The following TPCN2 variants were observed in gnomAD, a reference collection of about 807,000 sequenced individuals.
TPCN2 encodes the protein two pore channel protein 2.
Under a neutral mutation model 111.4 loss-of-function variants are expected in TPCN2, and 92 were observed. The ratio of observed to expected loss-of-function variants is 0.83; its 90% CI spans 0.70 to 0.98. The LOEUF (loss-of-function observed/expected upper bound fraction) is 0.98, where lower values mean the gene tolerates loss of function less well. Among genes scored for constraint, TPCN2 ranks in the 50% least tolerant of loss-of-function variants. TPCN2 has a pLI of 0.00. For synonymous variants in TPCN2, 405 were observed against 414.5 expected, an observed-to-expected ratio of 0.98 and a Z score of 0.28; for missense variants, 995 against 980.1, an observed-to-expected ratio of 1.02 and a Z score of -0.20.
intron 1 of TPCN2, 36 bp from the exon 2 acceptor site, chr11:69,053,997 C>G (rs184141794): frequency 1.1e-5 from 18 of 1,590,558 alleles, no homozygotes; most frequent in Non-Finnish European, 1.5e-5. Context: ...CCATGTCATC[C>G]TGCTCGGTCA....
At chr11:69,062,673 G>A (rs1855075235) in intron 5 of TPCN2, among the ~76,000 whole-genome samples, 2 of 152,110 alleles carry the variant, frequency 1.3e-5, no homozygotes, top group Admixed American at 6.5e-5. Flanking sequence ...TGGGTAGTGG[G>A]GAGGCCTGTG....
intron 24 of TPCN2, 122 bp from the exon 25 acceptor site, chr11:69,087,753 C>A: frequency 1.4e-6 from 1 of 696,586 alleles, no homozygotes; most frequent in Non-Finnish European, 2.4e-6. Context: ...GTCCCCGTGT[C>A]TCTGTGTCCC....
chr11:69,069,911 G>A (rs780557742), intron 8 of TPCN2, among the ~76,000 whole-genome samples: 7 of 152,140 alleles, frequency 4.6e-5, no homozygotes, highest in Non-Finnish European at 8.8e-5. Flanking sequence ...GGAGTTCCCC[G>A]TCCTGGAGGG....
intron 23 of TPCN2, 37 bp downstream of exon 23, chr11:69,086,641 C>T (rs570900032): frequency 2.6e-5 from 42 of 1,595,436 alleles, no homozygotes; most frequent in Middle Eastern, 1.7e-4. Context: ...TCTCCATGGT[C>T]GTTTGTTTCT....
At chr11:69,065,029 G>A (rs1271910071) in intron 7 of TPCN2, among the ~76,000 whole-genome samples, 1 of 131,686 alleles carries the variant, frequency 7.6e-6, no homozygotes, top group Non-Finnish European at 1.7e-5. Flanking sequence ...CTGTATGTCT[G>A]TGTGTGCGTG....
chr11:69,090,387 C>T lies in TPCN2; in HGVS notation c.*2434C>T, dbSNP rs1047390834. ...TCCCATCACTGCCACCCACTCCCCA[C>T]AGAGATGCCCTGCTCATCCGACTGG... On this transcript the variant is annotated 3_prime_UTR_variant, in exon 25 of 25. Transcript: ENST00000294309. The T allele has an allele frequency of 1.3e-5, 2 of 152,262 alleles. No individual in the cohort carries two copies. Among genetic ancestry groups the T allele is most frequent in the African/African-American group, 4.8e-5 (2 of 41,432 alleles). 9.4% of individuals were successfully genotyped at this position (152,262 alleles called of 1,614,324 possible).
intron 16 of TPCN2, chr11:69,079,307 G>A (rs567951750): frequency 3.0e-4 from 135 of 456,664 alleles, no homozygotes; most frequent in Admixed American, 5.9e-4. Context: ...CCTGGCCAGC[G>A]ACTCCAGCCC....
intron 20 of TPCN2, 39 bp from the exon 21 acceptor site, chr11:69,085,632 G>C (rs1229960814): frequency 7.3e-7 from 1 of 1,378,632 alleles, no homozygotes; most frequent in South Asian, 1.2e-5. Flanking sequence ...TCAGAACCTG[G>C]AGCCCCCGCC....
At position 69,081,463 on chromosome 11, in the gene TPCN2, C is replaced by T. The variant is rs144686467; in HGVS notation, c.1653C>T (p.Ile551=). ...WDMTRMLNML[I]VFRFLRIIPS... ...TGACCCGCATGCTGAACATGCTCAT[C>T]GTGTTCCGCTTCCTGCGTATCATCC... The change falls in exon 18 of 25, where the codon ATC becomes ATT. Residue 551 remains isoleucine, a synonymous_variant. Coordinates refer to ENST00000294309, the MANE Select transcript of TPCN2 (RefSeq NM_139075.4). The T allele has an allele frequency of 1.2e-4, 183 of 1,574,540 alleles. No homozygotes were observed. The East Asian group carries it at 3.3e-3, about 29-fold the overall frequency.
intron 5 of TPCN2, among the ~76,000 whole-genome samples, chr11:69,058,102 C>T (rs990077359): frequency 3.3e-5 from 5 of 152,214 alleles, no homozygotes; most frequent in Non-Finnish European, 1.5e-5. Flanking sequence ...AGAAAGCCCC[C>T]TCACCCGGCC....
At chr11:69,085,390 G>A (rs1463768213) in intron 20 of TPCN2, 104 bp downstream of exon 20, 1 of 1,175,810 alleles carries the variant, frequency 8.5e-7, no homozygotes, top group Non-Finnish European at 1.3e-6. Flanking sequence ...AGGATGGGAG[G>A]GTGTTCTCCC....
intron 5 of TPCN2, among the ~76,000 whole-genome samples, chr11:69,060,550 G>A (rs931256071): frequency 2.5e-4 from 38 of 152,164 alleles, no homozygotes; most frequent in Non-Finnish European, 5.9e-5. Flanking sequence ...CAAGGCCTTG[G>A]GTCTGAGGGT....
rs758534636 is a variant in TPCN2 at position 69,057,666 on chromosome 11, C to T, written c.518C>T (p.Thr173Ile). 1.2e-6 allele frequency: 2 copies of T among 1,614,188 alleles called. No individual in the cohort carries two copies. The highest frequency in any genetic ancestry group is 1.6e-4 in the Middle Eastern group (1 of 6,062). ...CTGGTGGTGTCTCTGGTGGACTGGA[C>T]CGTGTCCCTGAGTCTCGTGTGTCAT... ...VVLVVSLVDWTVSLSLVCHEP... is the reference protein window; with the variant it reads ...VVLVVSLVDWIVSLSLVCHEP... The change falls in exon 5 of 25, where the codon ACC becomes ATC. Residue 173 changes from threonine (T) to isoleucine (I), a missense_variant. Physicochemically the swap from Thr to Ile is moderately conservative, Grantham distance 89. Coordinates refer to ENST00000294309, the MANE Select transcript of TPCN2 (RefSeq NM_139075.4).
intron 4 of TPCN2, among the ~76,000 whole-genome samples, chr11:69,056,207 T>C (rs1034625125): frequency 2.0e-5 from 3 of 152,228 alleles, no homozygotes; most frequent in Non-Finnish European, 4.4e-5. Context: ...GCTCCTTGGC[T>C]GGGCCTTGGG....
chr11:69,081,251 CTT>C, intron 17 of TPCN2, 147 bp from the exon 18 acceptor site: 1 of 578,884 alleles, frequency 1.7e-6, no homozygotes, highest in African/African-American at 1.9e-5. Flanking sequence ...CCTGCAGAGG[CTT>C]TTCTGCTCGG....
At chr11:69,077,666 T>C (rs1255956648) in intron 13 of TPCN2, among the ~76,000 whole-genome samples, 1 of 152,212 alleles carries the variant, frequency 6.6e-6, no homozygotes, top group East Asian at 1.9e-4. Flanking sequence ...TTGTTCTTCT[T>C]TGACGTATAC....
chr11:69,088,016 T>G lies in TPCN2; in HGVS notation c.*63T>G. On this transcript the variant is annotated 3_prime_UTR_variant, in exon 25 of 25. Coordinates refer to ENST00000294309, the MANE Select transcript of TPCN2 (RefSeq NM_139075.4). ...AGAGGCTGGCCTACACAGGTGCCCG[T>G]CATGGAAGAGGCGGCCATGCTGTGG... The G allele has an allele frequency of 7.0e-7, 1 of 1,432,170 alleles. No homozygotes were observed. 88.7% of individuals were successfully genotyped at this position (1,432,170 alleles called of 1,614,324 possible).
chr11:69,058,801 CT>C (rs2134535247), intron 5 of TPCN2, among the ~76,000 whole-genome samples: 2 of 152,370 alleles, frequency 1.3e-5, no homozygotes, highest in Admixed American at 1.3e-4. Context: ...GGGAGAGCCT[CT>C]TGCGTGACTG....
rs1855473349 is a variant in TPCN2 at position 69,070,486 on chromosome 11, A to G, written c.886A>G (p.Thr296Ala). 6.2e-7 allele frequency: 1 copy of G among 1,608,580 alleles called. No homozygotes were observed. Among genetic ancestry groups the G allele is most frequent in the Non-Finnish European group, 8.5e-7 (1 of 1,177,688 alleles). The change falls in exon 9 of 25, where the codon ACT (threonine) becomes GCT (alanine). Residue 296 changes from threonine to alanine, a missense_variant. Transcript: ENST00000294309. Reference protein sequence around the residue: ...RAYAIFFIVFTVIGSLFLMNL... With the variant: ...RAYAIFFIVFAVIGSLFLMNL... The stretch of plus-strand genomic sequence containing the variant: ...CTATGCCATCTTCTTCATAGTCTTC[A>G]CTGTGATAGGTGAGTGCAGGTAACG...
Sources: allele counts gnomAD v4.1 joint callset (sites outside exome capture counted in the v4.1 genomes callset), GRCh38; gene constraint gnomAD v4.1.1; transcripts MANE v1.5; gene names NCBI Gene and HGNC (gene_info 2026-07-23, HGNC 2026-07-21).